The following NRXN1 variants were observed in gnomAD, a reference collection of about 807,000 sequenced individuals.
The protein encoded by NRXN1 is neurexin 1.
In NRXN1, 39 loss-of-function variants were observed where a neutral mutation model predicts 150.9. The ratio of observed to expected loss-of-function variants is 0.26; its 90% CI spans 0.20 to 0.34. NRXN1 has a LOEUF of 0.34. Ranked by LOEUF, NRXN1 falls within the 10% of genes least tolerant of loss-of-function variation. NRXN1 has a pLI of 1.00. For missense variants in NRXN1, 1,815 were observed against 1,949.9 expected, an observed-to-expected ratio of 0.93 and a Z score of 1.30; for synonymous variants, 924 against 757.0, an observed-to-expected ratio of 1.22 and a Z score of -3.62.
chr2:50,369,812 C>T (rs993197792), intron 17 of NRXN1, among the ~76,000 whole-genome samples: 3 of 151,902 alleles, frequency 2.0e-5, no homozygotes, highest in Non-Finnish European at 4.4e-5. Context: ...TCTGAATGTA[C>T]GGAGACTGGT....
chr2:50,358,719 G>A (rs1322142002), intron 17 of NRXN1, among the ~76,000 whole-genome samples: 2 of 152,204 alleles, frequency 1.3e-5, no homozygotes, highest in East Asian at 1.9e-4. Context: ...GCAGCACATC[G>A]CTGGAGCTCT....
chr2:50,276,871 C>T (rs909646663), intron 17 of NRXN1, among the ~76,000 whole-genome samples: 1 of 152,140 alleles, frequency 6.6e-6, no homozygotes, highest in East Asian at 1.9e-4. Flanking sequence ...GAAAAAGTAG[C>T]CAAATAAAAA....
chr2:50,235,686 C>A (rs2152877634), intron 18 of NRXN1, among the ~76,000 whole-genome samples: 1 of 152,152 alleles, frequency 6.6e-6, no homozygotes, highest in East Asian at 1.9e-4. Context: ...ATGACCTAAT[C>A]AAATGTCCTT....
At chr2:50,016,605 G>A (rs536042368) in intron 21 of NRXN1, 14 of 152,206 alleles carry the variant, frequency 9.2e-5, no homozygotes, top group African/African-American at 3.1e-4. Context: ...AGTGCCCGCA[G>A]GGGAAATGCC....
intron 2 of NRXN1, among the ~76,000 whole-genome samples, chr2:51,000,641 G>T (rs1450220862): frequency 6.6e-6 from 1 of 151,768 alleles, no homozygotes; most frequent in African/African-American, 2.4e-5. Flanking sequence ...ACTAGCAGAG[G>T]ATTTAAAAAG....
rs555174876 is a variant in NRXN1 at position 50,234,455 on chromosome 2, T to C, written c.3546+2334A>G. Among the ~76,000 whole-genome samples, 27 of 152,082 alleles carry C rather than the reference T, an allele frequency of 1.8e-4. No individual in the cohort carries two copies. In the South Asian group the frequency reaches 5.6e-3, roughly 32 times the overall value. On this transcript the variant is annotated intron_variant, in intron 18 of 22. Coordinates refer to ENST00000401669, the MANE Select transcript of NRXN1 (RefSeq NM_001330078.2). The stretch of plus-strand genomic sequence containing the variant: ...GTTGCAGTGAACTGAGATTGCATCA[T>C]TGCACTCCAGCCTGGGCAACAAGAG...
chr2:50,719,247 T>C (rs949467212), intron 5 of NRXN1, among the ~76,000 whole-genome samples: 6 of 151,868 alleles, frequency 4.0e-5, no homozygotes, highest in Non-Finnish European at 8.8e-5. Context: ...AATTCCAGTT[T>C]AATAATCCAT....
At chr2:50,418,379 C>G (rs959477506) in intron 17 of NRXN1, among the ~76,000 whole-genome samples, 1 of 151,994 alleles carries the variant, frequency 6.6e-6, no homozygotes, top group African/African-American at 2.4e-5. Flanking sequence ...GCAGCCTCCC[C>G]CAACACACAC....
intron 5 of NRXN1, among the ~76,000 whole-genome samples, chr2:50,829,212 G>A (rs1304267900): frequency 6.6e-6 from 1 of 152,086 alleles, no homozygotes; most frequent in Non-Finnish European, 1.5e-5. Context: ...ATCAGAGGGA[G>A]ACCGTGGAAA....
At chr2:50,825,900 C>G (rs1371861022) in intron 5 of NRXN1, among the ~76,000 whole-genome samples, 1 of 152,174 alleles carries the variant, frequency 6.6e-6, no homozygotes. Context: ...TGTTGGAGAA[C>G]TGCTGGCTTG....
intron 18 of NRXN1, among the ~76,000 whole-genome samples, chr2:50,168,888 C>A (rs1217452333): frequency 1.3e-5 from 2 of 152,180 alleles, no homozygotes; most frequent in African/African-American, 4.8e-5. Context: ...AATGCTGTAT[C>A]CTTTTCTTTC....
intron 2 of NRXN1, among the ~76,000 whole-genome samples, chr2:50,949,381 G>C (rs1371439538): frequency 1.3e-5 from 2 of 151,778 alleles, no homozygotes; most frequent in African/African-American, 2.4e-5. Flanking sequence ...GTCAGATAAT[G>C]GCATCAAGAA....
intron 17 of NRXN1, among the ~76,000 whole-genome samples, chr2:50,292,571 T>C (rs1050686935): frequency 1.3e-5 from 2 of 152,184 alleles, no homozygotes; most frequent in East Asian, 1.9e-4. Flanking sequence ...GCAAGAGCTC[T>C]GGGTGGGCTA....
intron 2 of NRXN1, among the ~76,000 whole-genome samples, chr2:51,012,734 CAG>C (rs1392700313): frequency 1.3e-5 from 2 of 151,960 alleles, no homozygotes; most frequent in East Asian, 3.9e-4. Flanking sequence ...AGAAAAACAA[CAG>C]AGGGGTCAAA....
At chr2:50,959,996 C>T (rs1339400803) in intron 2 of NRXN1, among the ~76,000 whole-genome samples, 1 of 151,880 alleles carries the variant, frequency 6.6e-6, no homozygotes, top group Non-Finnish European at 1.5e-5. Context: ...TTCTTATACA[C>T]AAAAATTCTC....
At chr2:50,926,958 C>A (rs1235743974) in intron 2 of NRXN1, among the ~76,000 whole-genome samples, 1 of 151,782 alleles carries the variant, frequency 6.6e-6, no homozygotes, top group Admixed American at 6.6e-5. Context: ...AGACTCGGGG[C>A]CTGCAATCCC....
In NRXN1 at chr2:50,343,705, T is replaced by C. The variant is rs539617447; in HGVS notation, c.3365-106735A>G. On this transcript the variant is annotated intron_variant, in intron 17 of 22. Transcript: ENST00000401669. The stretch of plus-strand genomic sequence containing the variant: ...ACCTCATAATAGTGCAAATGAAGCA[T>C]GGCAAGATGAGAAAATGAAGAAGAA... 1.5e-3 allele frequency among the ~76,000 whole-genome samples: 225 copies of C among 152,290 alleles called. 1 individual carries two copies. Among genetic ancestry groups the C allele is most frequent in the African/African-American group, 5.2e-3 (215 of 41,566 alleles).
At chr2:50,126,645 A>AG (rs759207460) in intron 18 of NRXN1, among the ~76,000 whole-genome samples, 18 of 152,054 alleles carry the variant, frequency 1.2e-4, no homozygotes, top group Non-Finnish European at 2.4e-4. Context: ...AATAGAGAAC[A>AG]GTTTTCTTTT....
At chr2:50,113,343 A>C (rs72878125) in intron 18 of NRXN1, among the ~76,000 whole-genome samples, 5,667 of 152,214 alleles carry the variant, frequency 0.037, 356 homozygotes, top group African/African-American at 0.13. Flanking sequence ...AGGACTATAA[A>C]GCTTTTTGAG....
Sources: gnomAD v4.1 joint callset for allele counts (sites outside exome capture counted in the v4.1 genomes callset) on GRCh38, gnomAD v4.1.1 for gene constraint, MANE v1.5 for transcripts, NCBI Gene and HGNC (gene_info 2026-07-23, HGNC 2026-07-21) for gene names.